The following IFRD1 variants were observed in gnomAD, a reference collection of about 807,000 sequenced individuals.
The protein encoded by IFRD1 is interferon related developmental regulator 1, also known as interferon-related developmental regulator 1.
In IFRD1, 35 loss-of-function variants were observed where a neutral mutation model predicts 52.9. The ratio of observed to expected loss-of-function variants is 0.66; its 90% CI spans 0.51 to 0.88. IFRD1 has a LOEUF of 0.88. Ranked by LOEUF, IFRD1 falls within the 40% of genes least tolerant of loss-of-function variation. The pLI is 0.00. For synonymous variants in IFRD1, 184 were observed against 188.4 expected (o/e 0.98, Z 0.19); for missense variants, 517 against 550.8 (o/e 0.94, Z 0.61).
chr7:112,450,812 A>G lies in IFRD1; in HGVS notation c.94+30A>G, dbSNP rs377581585. On this transcript the variant is annotated intron_variant, in intron 1 of 11. Coordinates refer to ENST00000403825, the MANE Select transcript of IFRD1 (RefSeq NM_001550.4). ...GGGGTATCCCCGCCGCCGGCATCCC[A>G]GTTGCCGGCCAGGCTGGCGAGTCTT... 13 of 1,505,682 alleles carry G rather than the reference A, an allele frequency of 8.6e-6. No homozygotes were observed. In the South Asian group the frequency reaches 1.2e-4, roughly 14 times the overall value. 93.3% of individuals were successfully genotyped at this position (1,505,682 alleles called of 1,614,324 possible).
chr7:112,466,420 C>T (rs73717565), intron 8 of IFRD1, among the ~76,000 whole-genome samples: 9,118 of 152,142 alleles, frequency 0.06, 302 homozygotes, highest in South Asian at 0.096. Context: ...AATCTCAGCA[C>T]GCACTGTTGA....
At chr7:112,441,343 C>T (rs764208420) in intron 1 of IFRD1, among the ~76,000 whole-genome samples, 5 of 151,744 alleles carry the variant, frequency 3.3e-5, no homozygotes, top group African/African-American at 7.3e-5. Flanking sequence ...GTAGTCCCAG[C>T]GGCTTTGGAG....
chr7:112,470,477 T>TA (rs1175929033), intron 9 of IFRD1, among the ~76,000 whole-genome samples: 1 of 152,212 alleles, frequency 6.6e-6, no homozygotes, highest in Non-Finnish European at 1.5e-5. Context: ...TTGACTATTT[T>TA]AAAAACCTTG....
intron 5 of IFRD1, among the ~76,000 whole-genome samples, chr7:112,459,376 T>G (rs1795375378): frequency 6.6e-6 from 1 of 152,162 alleles, no homozygotes; most frequent in African/African-American, 2.4e-5. Flanking sequence ...CTTTAGATTT[T>G]GGGTTTTGGG....
chr7:112,427,641 G>C (rs1476781976), intron 1 of IFRD1, among the ~76,000 whole-genome samples: 1 of 152,142 alleles, frequency 6.6e-6, no homozygotes, highest in Non-Finnish European at 1.5e-5. Flanking sequence ...TGATTATTCT[G>C]TCTTCTGTGT....
chr7:112,432,137 C>T (rs1197928997), intron 1 of IFRD1, among the ~76,000 whole-genome samples: 1 of 152,114 alleles, frequency 6.6e-6, no homozygotes, highest in African/African-American at 2.4e-5. Flanking sequence ...TTTACATATC[C>T]TATTTTCTTA....
rs1288989910 is a variant in IFRD1 at position 112,450,723 on chromosome 7, G to A, written c.35G>A (p.Arg12His). The A allele has an allele frequency of 1.9e-6, 3 of 1,612,926 alleles. No homozygotes were observed. Among genetic ancestry groups the A allele is most frequent in the Non-Finnish European group, 2.5e-6 (3 of 1,179,890 alleles). ...AACAAGAAGCGGAACACTCCCCACC[G>A]CGGTAGCAGTGCTGGCGGCGGCGGG... ...PKNKKRNTPH[R>H]GSSAGGGGSG... is the part of the protein sequence containing the mutation. Residue 12 changes from arginine to histidine, a missense_variant, in exon 1 of 12, where the codon CGC becomes CAC. Coordinates refer to ENST00000403825, the MANE Select transcript of IFRD1 (RefSeq NM_001550.4).
rs754697324 is a variant in IFRD1 at position 112,458,844 on chromosome 7, C to T, written c.410-17C>T. Reference sequence around the variant, plus strand: ...ACTGAAAAGACTATCGTGATTGCATCTTGGCTGCTTTTATAGGTAAGAGTG... The same window carrying T: ...ACTGAAAAGACTATCGTGATTGCATTTTGGCTGCTTTTATAGGTAAGAGTG... On this transcript the variant is annotated splice_polypyrimidine_tract_variant and intron_variant, in intron 4 of 11. Transcript: ENST00000403825. The T allele has an allele frequency of 6.2e-7, 1 of 1,612,704 alleles. No homozygotes were observed. Among genetic ancestry groups the T allele is most frequent in the Non-Finnish European group, 8.5e-7 (1 of 1,178,914 alleles).
chr7:112,461,795 AAAGCAGGAAGATGTAGAATTAAT>A, intron 5 of IFRD1, 48 bp from the exon 6 acceptor site: 2 of 841,630 alleles, frequency 2.4e-6, no homozygotes, highest in South Asian at 3.7e-5. Flanking sequence ...TTGAATTATA[AAAGCAGGAAGATGTAGAATTAAT>A]AAGAAATAAA....
In IFRD1 at chr7:112,458,847, G is replaced by C; in HGVS notation, c.410-14G>C. On this transcript the variant is annotated splice_polypyrimidine_tract_variant and intron_variant, in intron 4 of 11. Coordinates refer to ENST00000403825, the MANE Select transcript of IFRD1 (RefSeq NM_001550.4). ...GAAAAGACTATCGTGATTGCATCTT[G>C]GCTGCTTTTATAGGTAAGAGTGATG... 6.2e-7 allele frequency: 1 copy of C among 1,612,748 alleles called. No individual in the cohort carries two copies. The highest frequency in any genetic ancestry group is 2.2e-5 in the East Asian group (1 of 44,896).
chr7:112,463,658 C>T (rs1173526189), intron 8 of IFRD1, among the ~76,000 whole-genome samples: 1 of 152,076 alleles, frequency 6.6e-6, no homozygotes, highest in Non-Finnish European at 1.5e-5. Flanking sequence ...CCAGATGTCC[C>T]AATTTTTAAT....
chr7:112,467,442 A>G (rs1488291198), intron 8 of IFRD1: 1 of 158,690 alleles, frequency 6.3e-6, no homozygotes, highest in Non-Finnish European at 1.4e-5. Flanking sequence ...ATTTCAATAC[A>G]TTTTGCAGCT....
upstream of IFRD1, among the ~76,000 whole-genome samples, chr7:112,447,025 G>A (rs1795046163): frequency 6.6e-6 from 1 of 152,182 alleles, no homozygotes; most frequent in East Asian, 1.9e-4. Context: ...TCTGCTCAGT[G>A]CTATGCAGAG....
intron 1 of IFRD1, 82 bp downstream of exon 1, chr7:112,450,864 A>C: frequency 1.0e-6 from 1 of 966,878 alleles, no homozygotes; most frequent in Admixed American, 1.8e-5. Context: ...TGGGAGTTGT[A>C]GTTCTTTCTC....
upstream of IFRD1, chr7:112,450,414 CA>C (rs1021615920): frequency 3.2e-5 from 16 of 499,246 alleles, no homozygotes; most frequent in African/African-American, 1.8e-4. Context: ...AGAGTGACGT[CA>C]GGTGGCGGTA....
chr7:112,449,649 T>G (rs565235753), upstream of IFRD1, among the ~76,000 whole-genome samples: 15 of 152,236 alleles, frequency 9.9e-5, no homozygotes, highest in African/African-American at 3.6e-4. Context: ...CGATTATTGA[T>G]CTGTATAACT....
upstream of IFRD1, among the ~76,000 whole-genome samples, chr7:112,447,012 A>C (rs571835267): frequency 6.6e-6 from 1 of 152,312 alleles, no homozygotes; most frequent in East Asian, 1.9e-4. Context: ...GGGAGGTATT[A>C]TTTCTGCTCA....
chr7:112,470,314 C>T (rs1176064263), intron 9 of IFRD1, among the ~76,000 whole-genome samples: 1 of 152,180 alleles, frequency 6.6e-6, no homozygotes, highest in South Asian at 2.1e-4. Context: ...ATCCTATATA[C>T]AGATAGGTCA....
intron 9 of IFRD1, among the ~76,000 whole-genome samples, chr7:112,468,457 A>G (rs1795670685): frequency 6.6e-6 from 1 of 152,104 alleles, no homozygotes; most frequent in South Asian, 2.1e-4. Context: ...TGTGAATTTA[A>G]TAAGTTATTG....
Sources: gnomAD v4.1 joint callset for allele counts (sites outside exome capture counted in the v4.1 genomes callset) on GRCh38, gnomAD v4.1.1 for gene constraint, MANE v1.5 for transcripts, NCBI Gene and HGNC (gene_info 2026-07-23, HGNC 2026-07-21) for gene names.